Variants in ASCC1 observed in about 807,000 individuals in gnomAD.
The protein encoded by ASCC1 is activating signal cointegrator 1 complex subunit 1, also known as ASC-1 complex subunit P50.
In ASCC1, 35 loss-of-function variants were observed where a neutral mutation model predicts 46.6. The observed-to-expected ratio is 0.75, with a 90% CI of 0.57 to 0.99. ASCC1 has a LOEUF of 0.99. ASCC1 is among the 50% of genes least tolerant of loss of function. The probability of loss-of-function intolerance (pLI) is 0.00; values close to 1 mark genes in which losing one functional copy is unlikely to be tolerated. For synonymous variants in ASCC1, 143 were observed against 146.6 expected, an observed-to-expected ratio of 0.98 and a Z score of 0.18; for missense variants, 376 against 428.7, an observed-to-expected ratio of 0.88 and a Z score of 1.09.
At chr10:72,103,411 C>T (rs1044240098) in intron 9 of ASCC1, among the ~76,000 whole-genome samples, 7 of 152,126 alleles carry the variant, frequency 4.6e-5, no homozygotes, top group African/African-American at 1.4e-4. Context: ...GGATTACAGG[C>T]GTGAGCCACC....
intron 8 of ASCC1, among the ~76,000 whole-genome samples, chr10:72,130,002 A>C (rs866985881): frequency 1.3e-3 from 164 of 121,564 alleles, no homozygotes; most frequent in African/African-American, 4.6e-3. Flanking sequence ...AAAAAAAAAA[A>C]CACACAGAAA....
intron 3 of ASCC1, among the ~76,000 whole-genome samples, chr10:72,206,177 G>T (rs1857183814): frequency 6.6e-6 from 1 of 151,906 alleles, no homozygotes; most frequent in South Asian, 2.1e-4. Context: ...GGCTGAGGCG[G>T]GTGGATCACC....
At chr10:72,124,306 T>G (rs1413422633) in intron 9 of ASCC1, among the ~76,000 whole-genome samples, 1 of 152,222 alleles carries the variant, frequency 6.6e-6, no homozygotes, top group Non-Finnish European at 1.5e-5. Flanking sequence ...TTTCCAGGAT[T>G]TCTAAGTGTC....
intron 7 of ASCC1, among the ~76,000 whole-genome samples, chr10:72,145,133 T>C (rs1344194299): frequency 1.3e-5 from 2 of 152,244 alleles, no homozygotes; most frequent in African/African-American, 2.4e-5. Flanking sequence ...TCTGTTATTG[T>C]TATTGAGAAG....
chr10:72,138,600 CTTTTT>C (rs1011535460), intron 7 of ASCC1, among the ~76,000 whole-genome samples: 4 of 104,520 alleles, frequency 3.8e-5, no homozygotes, highest in African/African-American at 8.7e-5. Context: ...TTCTTTCTTT[CTTTTT>C]TTTTTTTTTT....
In ASCC1 at chr10:72,137,905, C is replaced by T. The variant is rs576863858; in HGVS notation, c.747-4724G>A. On this transcript the variant is annotated intron_variant, in intron 7 of 9. Coordinates refer to ENST00000672957, the MANE Select transcript of ASCC1 (RefSeq NM_001198800.3). Reference sequence around the variant, plus strand: ...CAGAGACAGGGTCTCACTCTCTCATCCAGGCTAGAGTGCAGTGGCACGATC... The same window carrying T: ...CAGAGACAGGGTCTCACTCTCTCATTCAGGCTAGAGTGCAGTGGCACGATC... Among the ~76,000 whole-genome samples the T allele has an allele frequency of 9.2e-5, 14 of 152,062 alleles. No homozygotes were observed. In the South Asian group the frequency reaches 2.9e-3, roughly 32 times the overall value.
chr10:72,139,577 T>TA (rs1417620386), intron 7 of ASCC1, among the ~76,000 whole-genome samples: 1 of 152,228 alleles, frequency 6.6e-6, no homozygotes, highest in Non-Finnish European at 1.5e-5. Context: ...CTTTATCACT[T>TA]AGATAGTGCT....
At chr10:72,216,003 G>GGC (rs1352208541) in intron 1 of ASCC1, 1 of 152,304 alleles carries the variant, frequency 6.6e-6, no homozygotes, top group Non-Finnish European at 1.5e-5. Context: ...CCACGGCACG[G>GGC]GCGCGCGCAC....
chr10:72,207,028 T>C (rs1346458124), intron 3 of ASCC1, among the ~76,000 whole-genome samples: 1 of 152,196 alleles, frequency 6.6e-6, no homozygotes, highest in Non-Finnish European at 1.5e-5. Flanking sequence ...GTGTGCGGCA[T>C]GACATATGCT....
At position 72,101,677 on chromosome 10, in the gene ASCC1, G is replaced by C. The variant is rs553811047; in HGVS notation, c.958-4227C>G. Among the ~76,000 whole-genome samples, 26 of 152,246 alleles carry C rather than the reference G, an allele frequency of 1.7e-4. No homozygotes were observed. The South Asian group carries it at 4.8e-3, about 28-fold the overall frequency. Reference sequence around the variant, plus strand: ...CCTACATGGTGGGGAACCACTGAAGGCTTTAGGGTAGGTTGGTGGCCCAAG... The same window carrying C: ...CCTACATGGTGGGGAACCACTGAAGCCTTTAGGGTAGGTTGGTGGCCCAAG... On this transcript the variant is annotated intron_variant, in intron 9 of 9. Transcript: ENST00000672957.
intron 4 of ASCC1, 65 bp downstream of exon 4, chr10:72,203,362 G>C: frequency 8.8e-7 from 1 of 1,134,620 alleles, no homozygotes; most frequent in Non-Finnish European, 1.3e-6. Flanking sequence ...CACTGCAGTT[G>C]GTTACATTAT....
chr10:72,165,103 A>G (rs994876395), intron 5 of ASCC1, among the ~76,000 whole-genome samples: 1 of 150,862 alleles, frequency 6.6e-6, no homozygotes, highest in Non-Finnish European at 1.5e-5. Context: ...ACAAGAAAAA[A>G]AAAGTTGAAA....
intron 6 of ASCC1, among the ~76,000 whole-genome samples, chr10:72,155,162 T>C (rs1476269870): frequency 6.6e-6 from 1 of 152,202 alleles, no homozygotes; most frequent in African/African-American, 2.4e-5. Context: ...GGTACACTGG[T>C]TGCCTCTAGA....
Position 72,212,892 on chromosome 10 carries a change from C to G in ASCC1, c.112+295G>C, listed in dbSNP as rs375143163. 5.7e-4 allele frequency among the ~76,000 whole-genome samples: 86 copies of G among 151,972 alleles called. 1 individual carries two copies. In the South Asian group the frequency reaches 6.0e-3, roughly 11 times the overall value. On this transcript the variant is annotated intron_variant, in intron 2 of 9. Transcript: ENST00000672957. Reference sequence around the variant, plus strand: ...AATAATAATAATTACAACTCTACAACGGAACTTAATTTTGTCATAGAATAT... The same window carrying G: ...AATAATAATAATTACAACTCTACAAGGGAACTTAATTTTGTCATAGAATAT...
At chr10:72,198,374 G>GAGGGAAGGGA (rs1162449741) in intron 4 of ASCC1, 5 of 125,170 alleles carry the variant, frequency 4.0e-5, no homozygotes, top group Non-Finnish European at 7.0e-5. Context: ...AGGGGGAGGG[G>GAGGGAAGGGA]AGGGAAGGGA....
At chr10:72,175,065 G>A (rs1851702250) in intron 5 of ASCC1, among the ~76,000 whole-genome samples, 1 of 152,138 alleles carries the variant, frequency 6.6e-6, no homozygotes, top group Admixed American at 6.6e-5. Context: ...CTGGGCAGGT[G>A]ATATGAAGTT....
At chr10:72,103,762 G>A (rs949360945) in intron 9 of ASCC1, among the ~76,000 whole-genome samples, 3 of 152,094 alleles carry the variant, frequency 2.0e-5, no homozygotes, top group Non-Finnish European at 4.4e-5. Context: ...TGAAGACATA[G>A]AGCATAGAAA....
At chr10:72,126,544 T>C (rs1286161510) in intron 9 of ASCC1, among the ~76,000 whole-genome samples, 1 of 152,150 alleles carries the variant, frequency 6.6e-6, no homozygotes, top group Non-Finnish European at 1.5e-5. Context: ...ATCACCCCAC[T>C]CTTACAGATG....
intron 5 of ASCC1, among the ~76,000 whole-genome samples, chr10:72,167,497 T>C (rs1007533551): frequency 1.1e-4 from 16 of 152,246 alleles, no homozygotes; most frequent in Admixed American, 1.3e-4. Flanking sequence ...GTGATGGAAA[T>C]GTTCTAAAGC....
Sources: allele counts gnomAD v4.1 joint callset (sites outside exome capture counted in the v4.1 genomes callset), GRCh38; gene constraint gnomAD v4.1.1; transcripts MANE v1.5; gene names NCBI Gene and HGNC (gene_info 2026-07-23, HGNC 2026-07-21).